BIN2: variants seen among roughly 807,000 people sequenced by gnomAD.
BIN2 encodes bridging integrator 2.
A neutral mutation model predicts 67.9 loss-of-function variants in BIN2; 43 were observed. The observed-to-expected ratio is 0.63, with a 90% CI of 0.50 to 0.82. The LOEUF (loss-of-function observed/expected upper bound fraction) is 0.82, where lower values mean the gene tolerates loss of function less well. BIN2 is among the 40% of genes least tolerant of loss of function. The probability of loss-of-function intolerance (pLI) is 0.00; values close to 1 mark genes in which losing one functional copy is unlikely to be tolerated. For synonymous variants in BIN2, 244 were observed against 246.8 expected (o/e 0.99, Z 0.11); for missense variants, 581 against 671.6 (o/e 0.87, Z 1.49).
chr12:51,315,301 C>T (rs1283785210), intron 1 of BIN2, among the ~76,000 whole-genome samples: 2 of 151,982 alleles, frequency 1.3e-5, no homozygotes, highest in East Asian at 1.9e-4. Flanking sequence ...TCCCGATTAG[C>T]TTCGGACTAC....
At chr12:51,288,375 G>A (rs4761998) in intron 10 of BIN2, among the ~76,000 whole-genome samples, 187 bp from the exon 11 acceptor site, 33,602 of 152,020 alleles carry the variant, frequency 0.22, 4,548 homozygotes, top group Middle Eastern at 0.37. Context: ...CACTTCTCCC[G>A]GATATACACA....
At chr12:51,315,040 G>A (rs914228741) in intron 1 of BIN2, among the ~76,000 whole-genome samples, 7 of 151,968 alleles carry the variant, frequency 4.6e-5, no homozygotes, top group Non-Finnish European at 8.8e-5. Context: ...ATTTTCTGTA[G>A]AGACAGGGTC....
Position 51,299,902 on chromosome 12 carries a change from G to A in BIN2, c.409-188C>T, listed in dbSNP as rs547254674. On this transcript the variant is annotated intron_variant, in intron 5 of 12. Transcript: ENST00000615107. ...TGCCCAGGCTGGAGTGCAGTTGTGC[G>A]ATCTCAGCTCACTGTAACCTCTGCC... Among the ~76,000 whole-genome samples, 10 of 151,998 alleles carry A rather than the reference G, an allele frequency of 6.6e-5. No homozygotes were observed. The East Asian group carries it at 9.7e-4, about 15-fold the overall frequency.
chr12:51,318,070 G>A (rs1276619722), intron 1 of BIN2, among the ~76,000 whole-genome samples: 2 of 152,200 alleles, frequency 1.3e-5, no homozygotes, highest in African/African-American at 2.4e-5. Context: ...AGAGACAACA[G>A]CATCAGGAAA....
In BIN2 at chr12:51,301,342, C is replaced by T. The variant is rs1423138273; in HGVS notation, c.408+678G>A. 2.0e-5 allele frequency among the ~76,000 whole-genome samples: 3 copies of T among 152,188 alleles called. 1 individual carries two copies. The highest frequency in any genetic ancestry group is 4.4e-5 in the Non-Finnish European group (3 of 68,032). On this transcript the variant is annotated intron_variant, in intron 5 of 12. Transcript: ENST00000615107. ...TAGGTTGAATTCCTATTTTACCTAACAGACTTTCAAATATTTGAAGATAAC... is the reference window on the plus strand; with the variant it reads ...TAGGTTGAATTCCTATTTTACCTAATAGACTTTCAAATATTTGAAGATAAC...
At position 51,281,307 on chromosome 12, in the gene BIN2, G is replaced by T. The variant is rs1031481410; in HGVS notation, c.*192C>A. The T allele has an allele frequency of 1.6e-6, 1 of 612,038 alleles. No homozygotes were observed. The allele number at this position is 612,038 out of a possible 1,614,324, so 37.9% of individuals were successfully genotyped here. On this transcript the variant is annotated 3_prime_UTR_variant, in exon 13 of 13. Transcript: ENST00000615107. ...TGAGTCTAATGTTCTCTTCTCCCCA[G>T]CCTGCCTCCCTCCATCCCTCCCGTA...
chr12:51,302,314 T>C (rs937308113), intron 4 of BIN2, 199 bp from the exon 5 acceptor site: 36 of 560,196 alleles, frequency 6.4e-5, no homozygotes, highest in Admixed American at 1.9e-4. Context: ...AGTCTGAACA[T>C]ACATTCAGAG....
chr12:51,323,960 C>A, intron 1 of BIN2, 62 bp downstream of exon 1: 2 of 1,592,484 alleles, frequency 1.3e-6, no homozygotes, highest in South Asian at 2.3e-5. Context: ...CCTGCCCGGC[C>A]GGGCTCGGCC....
intron 2 of BIN2, among the ~76,000 whole-genome samples, chr12:51,311,408 C>T (rs1945991837): frequency 1.3e-5 from 2 of 152,054 alleles, no homozygotes; most frequent in South Asian, 4.1e-4. Flanking sequence ...GAGACCAGGT[C>T]TTGCTCTGCT....
chr12:51,285,618 C>T (rs1394898567), intron 11 of BIN2, among the ~76,000 whole-genome samples: 2 of 126,230 alleles, frequency 1.6e-5, no homozygotes, highest in Non-Finnish European at 3.3e-5. Context: ...TTAATTTTTT[C>T]TTTCTTTCTT....
chr12:51,319,976 T>TCC (rs1555172996), intron 1 of BIN2, among the ~76,000 whole-genome samples: 12 of 151,722 alleles, frequency 7.9e-5, no homozygotes, highest in South Asian at 2.1e-4. Flanking sequence ...CTTCCTTCCT[T>TCC]TTCTCCCTCT....
chr12:51,315,159 GTTATTA>G (rs907488299), intron 1 of BIN2, among the ~76,000 whole-genome samples: 3 of 150,242 alleles, frequency 2.0e-5, no homozygotes, highest in Non-Finnish European at 4.4e-5. Flanking sequence ...GGCTGGCATT[GTTATTA>G]TTATTATTAT....
chr12:51,295,583 T>A (rs1308941950), intron 9 of BIN2, among the ~76,000 whole-genome samples: 733 of 13,030 alleles, frequency 0.056, 107 homozygotes, highest in East Asian at 0.1. Flanking sequence ...AAAAAATATA[T>A]ATATATATAT....
intron 2 of BIN2, among the ~76,000 whole-genome samples, chr12:51,307,856 A>T (rs974582273): frequency 5.3e-5 from 8 of 152,318 alleles, no homozygotes; most frequent in Non-Finnish European, 1.2e-4. Flanking sequence ...GGGGTACTCT[A>T]TCACAGCCCA....
intron 2 of BIN2, among the ~76,000 whole-genome samples, chr12:51,311,683 G>T (rs1055371075): frequency 6.6e-6 from 1 of 152,098 alleles, no homozygotes; most frequent in Non-Finnish European, 1.5e-5. Flanking sequence ...GCCTGGCCAA[G>T]TAAATGTTGT....
chr12:51,286,732 A>G (rs1008765768), intron 11 of BIN2, among the ~76,000 whole-genome samples: 2 of 152,240 alleles, frequency 1.3e-5, no homozygotes, highest in Non-Finnish European at 2.9e-5. Flanking sequence ...TCTATCCTGC[A>G]CTTATTCACT....
chr12:51,316,514 G>T (rs934525278), intron 1 of BIN2, among the ~76,000 whole-genome samples: 2 of 151,810 alleles, frequency 1.3e-5, no homozygotes, highest in South Asian at 2.1e-4. Context: ...GAAAAAAAAA[G>T]TCCAATATGT....
intron 1 of BIN2, among the ~76,000 whole-genome samples, chr12:51,320,255 G>A (rs1159734596): frequency 2.6e-5 from 4 of 152,176 alleles, no homozygotes; most frequent in African/African-American, 9.7e-5. Context: ...CCTGACCTCA[G>A]GTGATCTACC....
At chr12:51,314,795 G>A (rs1322515604) in intron 1 of BIN2, among the ~76,000 whole-genome samples, 5 of 145,562 alleles carry the variant, frequency 3.4e-5, no homozygotes, top group Admixed American at 6.9e-5. Flanking sequence ...GCGAAACTCT[G>A]TCTCAAAAAA....
Sources: gnomAD v4.1 joint callset for allele counts (sites outside exome capture counted in the v4.1 genomes callset) on GRCh38, gnomAD v4.1.1 for gene constraint, MANE v1.5 for transcripts, NCBI Gene and HGNC (gene_info 2026-07-23, HGNC 2026-07-21) for gene names.